The following OXR1 variants were observed in gnomAD, a reference collection of about 807,000 sequenced individuals.
OXR1 encodes the protein oxidation resistance 1, also known as oxidation resistance protein 1.
A neutral mutation model predicts 104.6 loss-of-function variants in OXR1; 41 were observed. The ratio of observed to expected loss-of-function variants is 0.39; its 90% CI spans 0.31 to 0.51. The LOEUF (loss-of-function observed/expected upper bound fraction) is 0.51. Ranked by LOEUF, OXR1 falls within the 20% of genes least tolerant of loss-of-function variation. OXR1 has a pLI of 0.77. For missense variants in OXR1, 955 were observed against 1,031.9 expected (o/e 0.93, Z 1.02); for synonymous variants, 348 against 348.4 (o/e 1.00, Z 0.01).
chr8:106,586,571 A>C (rs909428078), intron 3 of OXR1, among the ~76,000 whole-genome samples: 2 of 152,198 alleles, frequency 1.3e-5, no homozygotes, highest in African/African-American at 4.8e-5. Context: ...CTGTACTAGA[A>C]ATATTGATTT....
chr8:106,440,543 C>T (rs931102837), intron 2 of OXR1, among the ~76,000 whole-genome samples: 1 of 152,054 alleles, frequency 6.6e-6, no homozygotes, highest in African/African-American at 2.4e-5. Context: ...ATTTCCAACT[C>T]ATCAAAATTT....
chr8:106,371,017 C>T (rs935634532), intron 2 of OXR1, among the ~76,000 whole-genome samples: 2 of 150,788 alleles, frequency 1.3e-5, no homozygotes, highest in African/African-American at 4.9e-5. Flanking sequence ...GCTGTGAATT[C>T]GTCTGGTCCT....
At chr8:106,704,390 CTTCTTTTTTTT>C (rs1563727405) in intron 8 of OXR1, among the ~76,000 whole-genome samples, 2 of 75,818 alleles carry the variant, frequency 2.6e-5, no homozygotes, top group South Asian at 4.8e-4. Context: ...TTTCTTTCTT[CTTCTTTTTTTT>C]TTTTTTTTTT....
At chr8:106,539,633 A>G (rs1814801042) in intron 3 of OXR1, among the ~76,000 whole-genome samples, 2 of 152,228 alleles carry the variant, frequency 1.3e-5, no homozygotes, top group African/African-American at 4.8e-5. Flanking sequence ...AATCATGTCC[A>G]ACAACTTTTC....
intron 1 of OXR1, among the ~76,000 whole-genome samples, chr8:106,350,427 G>A (rs1344097124): frequency 6.6e-6 from 1 of 152,250 alleles, no homozygotes; most frequent in Middle Eastern, 3.4e-3. Flanking sequence ...TGAACATAAG[G>A]ATATTTCTGA....
intron 8 of OXR1, among the ~76,000 whole-genome samples, chr8:106,703,689 G>A (rs1830803146): frequency 6.6e-6 from 1 of 151,554 alleles, no homozygotes; most frequent in Non-Finnish European, 1.5e-5. Flanking sequence ...TGAGACTACA[G>A]TTTGGACACA....
chr8:106,497,314 G>A (rs1440803628), intron 2 of OXR1, among the ~76,000 whole-genome samples: 1 of 151,996 alleles, frequency 6.6e-6, no homozygotes, highest in Non-Finnish European at 1.5e-5. Flanking sequence ...TTCATATTGG[G>A]GATTCAATTA....
intron 2 of OXR1, among the ~76,000 whole-genome samples, chr8:106,517,460 A>G (rs1246381490): frequency 6.6e-6 from 1 of 152,120 alleles, no homozygotes; most frequent in East Asian, 1.9e-4. Context: ...TCCTGCTGAG[A>G]TTAACATCCT....
chr8:106,372,967 G>A (rs1816770073), intron 2 of OXR1, among the ~76,000 whole-genome samples: 1 of 152,122 alleles, frequency 6.6e-6, no homozygotes, highest in African/African-American at 2.4e-5. Flanking sequence ...CATATTCATA[G>A]ATTCAACCAA....
intron 3 of OXR1, among the ~76,000 whole-genome samples, chr8:106,547,996 CT>C (rs918061284): frequency 4.1e-4 from 62 of 152,222 alleles, no homozygotes; most frequent in African/African-American, 1.4e-3. Flanking sequence ...CCAGAAGTGG[CT>C]TTCCTGGATC....
At chr8:106,368,374 C>T (rs1816566233) in intron 2 of OXR1, among the ~76,000 whole-genome samples, 1 of 151,990 alleles carries the variant, frequency 6.6e-6, no homozygotes, top group Admixed American at 6.6e-5. Flanking sequence ...TAATTAAGGA[C>T]ATGGTATGTG....
intron 3 of OXR1, among the ~76,000 whole-genome samples, chr8:106,595,118 C>T (rs2130719569): frequency 1.3e-5 from 2 of 152,346 alleles, no homozygotes; most frequent in South Asian, 4.1e-4. Flanking sequence ...GACCAGTTTG[C>T]AACCCTTGCC....
At chr8:106,685,358 A>G (rs987586231) in intron 6 of OXR1, among the ~76,000 whole-genome samples, 7 of 152,174 alleles carry the variant, frequency 4.6e-5, no homozygotes, top group African/African-American at 1.7e-4. Flanking sequence ...AGAATGATGA[A>G]AATCTAAGCT....
At chr8:106,379,163 C>T (rs987581896) in intron 2 of OXR1, among the ~76,000 whole-genome samples, 1 of 152,186 alleles carries the variant, frequency 6.6e-6, no homozygotes, top group African/African-American at 2.4e-5. Flanking sequence ...CCCAACCCTA[C>T]TGCATCAGAA....
intron 3 of OXR1, among the ~76,000 whole-genome samples, chr8:106,629,570 C>T (rs1052547381): frequency 6.6e-6 from 1 of 152,106 alleles, no homozygotes; most frequent in African/African-American, 2.4e-5. Flanking sequence ...TTTCCATGTT[C>T]AGTAGCATAA....
intron 7 of OXR1, among the ~76,000 whole-genome samples, chr8:106,699,405 T>G (rs921573740): frequency 6.6e-6 from 1 of 152,212 alleles, no homozygotes; most frequent in African/African-American, 2.4e-5. Context: ...GCTTGTTTTT[T>G]CTCTGCCTGT....
At chr8:106,480,319 T>C (rs1822037719) in intron 2 of OXR1, among the ~76,000 whole-genome samples, 2 of 152,036 alleles carry the variant, frequency 1.3e-5, no homozygotes, top group Non-Finnish European at 2.9e-5. Flanking sequence ...TCAAACCTAT[T>C]ATAGCCATTT....
At chr8:106,562,563 G>T (rs1175910085) in intron 3 of OXR1, among the ~76,000 whole-genome samples, 1 of 152,138 alleles carries the variant, frequency 6.6e-6, no homozygotes, top group East Asian at 1.9e-4. Flanking sequence ...TATTATCCAG[G>T]AGAACTTGCC....
At position 106,508,909 on chromosome 8, in the gene OXR1, TG is replaced by T. The variant is rs1476092869; in HGVS notation, c.24-10032del. Reference sequence around the variant, plus strand: ...CTGCAGAAGCTATCTTGATTAAGTTTGGAGTTGCCTTATGTTGTGCATAAGC... The same window carrying T: ...CTGCAGAAGCTATCTTGATTAAGTTTGAGTTGCCTTATGTTGTGCATAAGC... On this transcript the variant is annotated intron_variant, in intron 2 of 16. Transcript: ENST00000517566. Among the ~76,000 whole-genome samples the T allele has an allele frequency of 6.6e-5, 10 of 152,368 alleles. No homozygotes were observed. The East Asian group carries it at 1.9e-3, about 29-fold the overall frequency.
Sources: allele counts gnomAD v4.1 joint callset (sites outside exome capture counted in the v4.1 genomes callset), GRCh38; gene constraint gnomAD v4.1.1; transcripts MANE v1.5; gene names NCBI Gene and HGNC (gene_info 2026-07-23, HGNC 2026-07-21).